STK32C: variants seen among roughly 807,000 people sequenced by gnomAD.
STK32C encodes the protein serine/threonine-protein kinase 32C.
STK32C carries 31 observed loss-of-function variants against 56.5 expected under a neutral mutation model. That is an observed-to-expected ratio of 0.55 (90% confidence interval 0.41 to 0.74). STK32C has a LOEUF of 0.74. STK32C is among the 30% of genes least tolerant of loss of function. STK32C has a pLI of 0.00. For synonymous variants in STK32C, 309 were observed against 289.4 expected, an observed-to-expected ratio of 1.07 and a Z score of -0.69; for missense variants, 544 against 676.9, an observed-to-expected ratio of 0.80 and a Z score of 2.18.
intron 1 of STK32C, among the ~76,000 whole-genome samples, chr10:132,292,066 G>C (rs150909169): frequency 2.0e-5 from 3 of 152,184 alleles, no homozygotes; most frequent in Non-Finnish European, 4.4e-5. Flanking sequence ...TACAGGGACT[G>C]AGCACCTCCC....
intron 1 of STK32C, among the ~76,000 whole-genome samples, chr10:132,299,931 T>C (rs1564790154): frequency 6.6e-6 from 1 of 152,200 alleles, no homozygotes; most frequent in African/African-American, 2.4e-5. Context: ...CCCAGGGCGC[T>C]GGCACAGGGA....
At chr10:132,215,902 C>T (rs2814201) in intron 10 of STK32C, among the ~76,000 whole-genome samples, 122,938 of 152,138 alleles carry the variant, frequency 0.81, 49,894 homozygotes, top group East Asian at 0.96. Flanking sequence ...CCAGGCTGAG[C>T]TGGTCTCAGA....
At chr10:132,212,344 G>T (rs1384211368) in intron 10 of STK32C, among the ~76,000 whole-genome samples, 1 of 152,194 alleles carries the variant, frequency 6.6e-6, no homozygotes, top group East Asian at 1.9e-4. Context: ...TCAGCAAATG[G>T]TGCTAGGACA....
At chr10:132,256,524 C>T (rs1015018537) in intron 1 of STK32C, among the ~76,000 whole-genome samples, 14 of 152,212 alleles carry the variant, frequency 9.2e-5, no homozygotes, top group African/African-American at 3.1e-4. Context: ...ACAGTATCTC[C>T]GGGTGGCAGA....
intron 10 of STK32C, among the ~76,000 whole-genome samples, chr10:132,218,629 A>G (rs1199743601): frequency 6.6e-6 from 1 of 152,232 alleles, no homozygotes; most frequent in African/African-American, 2.4e-5. Context: ...CTGCTGTAGA[A>G]AAGGGTAGGT....
chr10:132,251,417 A>C (rs994509359), intron 1 of STK32C, among the ~76,000 whole-genome samples: 4 of 152,082 alleles, frequency 2.6e-5, no homozygotes, highest in African/African-American at 9.7e-5. Context: ...ATGTCACTTG[A>C]TCTGGGCCTC....
chr10:132,273,740 GCA>G (rs1426580860), intron 1 of STK32C, among the ~76,000 whole-genome samples: 1 of 152,172 alleles, frequency 6.6e-6, no homozygotes, highest in South Asian at 2.1e-4. Flanking sequence ...GTGAATGAAT[GCA>G]CAGTGAATGA....
intron 1 of STK32C, among the ~76,000 whole-genome samples, chr10:132,295,568 C>T (rs10870289): frequency 0.38 from 57,020 of 151,984 alleles, 11,284 homozygotes; most frequent in African/African-American, 0.49. Flanking sequence ...ACAGAATTAA[C>T]GCAAGGAAGA....
chr10:132,246,904 C>A (rs1160743832), intron 1 of STK32C, among the ~76,000 whole-genome samples: 2 of 152,204 alleles, frequency 1.3e-5, no homozygotes, highest in African/African-American at 4.8e-5. Context: ...GTCCCCAGGT[C>A]TGCACCCCTC....
chr10:132,228,170 C>G (rs1565082412), intron 2 of STK32C, 42 bp from the exon 3 acceptor site: 2 of 1,613,118 alleles, frequency 1.2e-6, no homozygotes, highest in Admixed American at 1.7e-5. Flanking sequence ...CTGAGGACGC[C>G]TGGGGACACG....
intron 1 of STK32C, among the ~76,000 whole-genome samples, chr10:132,318,143 C>A (rs1388683154): frequency 6.6e-6 from 1 of 151,918 alleles, no homozygotes; most frequent in East Asian, 1.9e-4. Flanking sequence ...TGGCAGGCGC[C>A]TGTAGTCCCA....
rs555697159 is a variant in STK32C at position 132,207,687 on chromosome 10, C to T, written c.*323G>A. On this transcript the variant is annotated 3_prime_UTR_variant, in exon 12 of 12. Coordinates refer to ENST00000298630, the MANE Select transcript of STK32C (RefSeq NM_173575.4). ...TGTGACGAGGGCCGTGCACAGCCTC[C>T]GGGCTGAGCAGGGACAAAGACTCCT... The T allele has an allele frequency of 3.9e-5, 10 of 255,090 alleles. No homozygotes were observed. The highest frequency in any genetic ancestry group is 1.1e-4 in the African/African-American group (5 of 45,324). The allele number at this position is 255,090 out of a possible 1,614,324, so 15.8% of individuals were successfully genotyped here. A position where few individuals can be genotyped will look rare whatever the true frequency, so the allele number is the denominator to read the frequency against.
chr10:132,294,396 C>A (rs1166787446), intron 1 of STK32C, among the ~76,000 whole-genome samples: 1 of 152,166 alleles, frequency 6.6e-6, no homozygotes, highest in Non-Finnish European at 1.5e-5. Context: ...CAGATTCCAG[C>A]TCCAGCGGGT....
At position 132,255,265 on chromosome 10, in the gene STK32C, C is replaced by T. The variant is rs902630; in HGVS notation, c.263-9310G>A. ...CTGGGGATGTCTGGCCCACACGGGG[C>T]TCCTGACTTAGGAAATACCGGGCCA... is the stretch of plus-strand genomic sequence containing the variant. On this transcript the variant is annotated intron_variant, in intron 1 of 11. Coordinates refer to ENST00000298630, the MANE Select transcript of STK32C (RefSeq NM_173575.4). The surrounding 1 kb of genome is among the most constrained non-coding windows in gnomAD (Gnocchi z 4.6). Among the ~76,000 whole-genome samples, 2 of 151,910 alleles carry T rather than the reference C, an allele frequency of 1.3e-5. No individual in the cohort carries two copies. The highest frequency in any genetic ancestry group is 4.8e-5 in the African/African-American group (2 of 41,360).
intron 1 of STK32C, among the ~76,000 whole-genome samples, chr10:132,250,559 G>A (rs1590265687): frequency 6.8e-6 from 1 of 146,080 alleles, no homozygotes. Context: ...GAGAGGAGAG[G>A]GCAGGTGTGT....
chr10:132,208,232 T>C (rs927295121), intron 11 of STK32C, 81 bp from the exon 12 acceptor site: 8 of 1,269,868 alleles, frequency 6.3e-6, no homozygotes, highest in Admixed American at 7.6e-5. Context: ...CACGGGCTCA[T>C]GGGGTAGGCC....
intron 1 of STK32C, among the ~76,000 whole-genome samples, chr10:132,301,681 G>A (rs533565823): frequency 1.3e-5 from 2 of 152,380 alleles, no homozygotes; most frequent in East Asian, 3.9e-4. Flanking sequence ...TACTGGGCCG[G>A]GTGAAAATGC....
chr10:132,303,261 G>A (rs541621862), intron 1 of STK32C, among the ~76,000 whole-genome samples: 11 of 152,354 alleles, frequency 7.2e-5, no homozygotes, highest in South Asian at 4.1e-4. Context: ...CTCACTCTCC[G>A]TCAAGCGATA....
At chr10:132,227,723 A>C (rs958901622) in intron 3 of STK32C, among the ~76,000 whole-genome samples, 4 of 152,090 alleles carry the variant, frequency 2.6e-5, no homozygotes, top group Non-Finnish European at 5.9e-5. Context: ...CATTGTAGGG[A>C]AGCCCTGGTC....
Sources: gnomAD v4.1 joint callset for allele counts (sites outside exome capture counted in the v4.1 genomes callset) on GRCh38, gnomAD v4.1.1 for gene constraint, Gnocchi (gnomAD v3.1) non-coding constraint, MANE v1.5 for transcripts, NCBI Gene and HGNC (gene_info 2026-07-23, HGNC 2026-07-21) for gene names.